The following SLCO1C1 variants were observed in gnomAD, a reference collection of about 807,000 sequenced individuals.
SLCO1C1 encodes the protein OAT-RP-5.
Under a neutral mutation model 76.4 loss-of-function variants are expected in SLCO1C1, and 70 were observed. The observed-to-expected ratio is 0.92, with a 90% CI of 0.76 to 1.12. SLCO1C1 has a LOEUF of 1.12. Among genes scored for constraint, SLCO1C1 ranks in the 50% most tolerant of loss-of-function variants. SLCO1C1 has a pLI of 0.00. For missense variants in SLCO1C1, 912 were observed against 823.8 expected (o/e 1.11, Z -1.31); for synonymous variants, 306 against 286.1 (o/e 1.07, Z -0.70).
rs765007556 is a variant in SLCO1C1 at position 20,701,363 on chromosome 12, G to A, written c.175G>A (p.Ala59Thr). The change falls in exon 3 of 15, where the codon GCA becomes ACA. Residue 59 changes from alanine (A) to threonine (T), a missense_variant. Coordinates refer to ENST00000266509, the MANE Select transcript of SLCO1C1 (RefSeq NM_017435.5). ...LSFVYFAKAL[A>T]EGYLKSTITQ... ...TTTTGTTTACTTTGCCAAAGCATTG[G>A]CAGAAGGCTATCTGAAGAGCACCAT... 1.3e-6 allele frequency: 2 copies of A among 1,543,626 alleles called. No individual in the cohort carries two copies. The highest frequency in any genetic ancestry group is 1.8e-6 in the Non-Finnish European group (2 of 1,130,430).
chr12:20,726,251 AT>A (rs35638975), intron 9 of SLCO1C1, among the ~76,000 whole-genome samples: 32,802 of 145,666 alleles, frequency 0.23, 3,706 homozygotes, highest in Middle Eastern at 0.34. Flanking sequence ...TCTTTTTCTT[AT>A]TTTTTTTTTT....
intron 9 of SLCO1C1, among the ~76,000 whole-genome samples, chr12:20,727,366 A>G (rs539650113): frequency 4.6e-5 from 7 of 152,130 alleles, no homozygotes; most frequent in South Asian, 2.1e-4. Context: ...AACATCTGTT[A>G]TTTTTTGACA....
At chr12:20,701,997 G>A (rs1006805380) in intron 3 of SLCO1C1, among the ~76,000 whole-genome samples, 4 of 151,876 alleles carry the variant, frequency 2.6e-5, no homozygotes, top group South Asian at 4.1e-4. Context: ...AATCTCAGGT[G>A]CCTTTGGTTA....
chr12:20,742,024 C>A (rs1380542360), intron 12 of SLCO1C1, among the ~76,000 whole-genome samples: 1 of 152,066 alleles, frequency 6.6e-6, no homozygotes, highest in Admixed American at 6.6e-5. Context: ...GAATGACAAA[C>A]AGAAAACAGA....
chr12:20,747,668 T>A (rs1224989552), intron 13 of SLCO1C1, among the ~76,000 whole-genome samples: 1 of 150,720 alleles, frequency 6.6e-6, no homozygotes, highest in Non-Finnish European at 1.5e-5. Flanking sequence ...ATCACCTGGA[T>A]TTTTTAAGTG....
intron 12 of SLCO1C1, among the ~76,000 whole-genome samples, chr12:20,742,018 GAC>G (rs1447807291): frequency 1.3e-5 from 2 of 152,142 alleles, no homozygotes. Flanking sequence ...GTTTAGGAAT[GAC>G]AAACAGAAAA....
chr12:20,707,549 G>A (rs922771247), intron 4 of SLCO1C1, among the ~76,000 whole-genome samples: 28 of 152,124 alleles, frequency 1.8e-4, no homozygotes, highest in African/African-American at 6.8e-4. Flanking sequence ...CTAGGTCTCA[G>A]TTTCTGCATC....
chr12:20,731,110 T>C (rs943503165), intron 9 of SLCO1C1, among the ~76,000 whole-genome samples: 2 of 152,200 alleles, frequency 1.3e-5, no homozygotes, highest in South Asian at 2.1e-4. Context: ...GCTATTTAGA[T>C]AAACTCCCCT....
chr12:20,735,525 T>C (rs1265692907), intron 10 of SLCO1C1, among the ~76,000 whole-genome samples: 1 of 152,238 alleles, frequency 6.6e-6, no homozygotes, highest in Non-Finnish European at 1.5e-5. Flanking sequence ...GGCAGTTTTA[T>C]ACTTTCAGAT....
chr12:20,707,966 T>C (rs1946866741), intron 4 of SLCO1C1, among the ~76,000 whole-genome samples: 1 of 152,184 alleles, frequency 6.6e-6, no homozygotes, highest in South Asian at 2.1e-4. Flanking sequence ...TTAATATATT[T>C]GCCAGGTACA....
At chr12:20,749,094 C>T (rs1949176621) in intron 13 of SLCO1C1, among the ~76,000 whole-genome samples, 1 of 151,976 alleles carries the variant, frequency 6.6e-6, no homozygotes, top group Admixed American at 6.6e-5. Flanking sequence ...TTTAGGTAAA[C>T]CTTTACATAG....
intron 9 of SLCO1C1, among the ~76,000 whole-genome samples, chr12:20,726,134 G>A (rs1341786522): frequency 6.6e-6 from 1 of 152,038 alleles, no homozygotes; most frequent in South Asian, 2.1e-4. Flanking sequence ...TATATCACTA[G>A]GTTGAAATAA....
intron 13 of SLCO1C1, among the ~76,000 whole-genome samples, chr12:20,746,061 G>A (rs1487419585): frequency 6.6e-6 from 1 of 152,004 alleles, no homozygotes; most frequent in African/African-American, 2.4e-5. Context: ...CTGATTCAAG[G>A]CCTAGGGTAG....
intron 4 of SLCO1C1, among the ~76,000 whole-genome samples, chr12:20,710,005 G>A (rs11045399): frequency 0.57 from 84,367 of 148,654 alleles, 24,962 homozygotes; most frequent in East Asian, 0.81. Flanking sequence ...TATAAAACCT[G>A]TAACCCTCTT....
At position 20,721,944 on chromosome 12, in the gene SLCO1C1, G is replaced by C; in HGVS notation, c.916G>C (p.Glu306Gln). 2.5e-6 allele frequency: 4 copies of C among 1,614,140 alleles called. No homozygotes were observed. The highest frequency in any genetic ancestry group is 3.4e-6 in the Non-Finnish European group (4 of 1,180,026). The change falls in exon 8 of 15, where the codon GAG (glutamate) becomes CAG (glutamine). Residue 306 changes from glutamate to glutamine, a missense_variant. Glu to Gln is a conservative substitution (Grantham distance 29). Transcript: ENST00000266509. ...GAGTTTACCAAGATCCCAAAGTAGA[G>C]AGGATTCTAATTCTTCCTCTGAGAA... ...PKSLPRSQSREDSNSSSEKSK... is the reference protein window; with the variant it reads ...PKSLPRSQSRQDSNSSSEKSK...
At chr12:20,752,186 T>C (rs1427905444) in intron 14 of SLCO1C1, 120 bp from the exon 15 acceptor site, 2 of 646,932 alleles carry the variant, frequency 3.1e-6, no homozygotes, top group Non-Finnish European at 5.0e-6. Flanking sequence ...AACAGTCTTT[T>C]ATATAAGCCA....
At chr12:20,740,787 T>TTTTATATATATATATATATA (rs1217819863) in intron 12 of SLCO1C1, among the ~76,000 whole-genome samples, 39 of 75,064 alleles carry the variant, frequency 5.2e-4, no homozygotes, top group African/African-American at 1.9e-3. Context: ...TTTATTTTAT[T>TTTTATATATATATATATATA]TATATATATA....
At chr12:20,708,448 A>T (rs1203638817) in intron 4 of SLCO1C1, among the ~76,000 whole-genome samples, 1 of 152,182 alleles carries the variant, frequency 6.6e-6, no homozygotes, top group African/African-American at 2.4e-5. Context: ...AATGGTAAGA[A>T]CTATAGAGAA....
intron 9 of SLCO1C1, among the ~76,000 whole-genome samples, chr12:20,724,451 A>ATATATATATATG (rs1555129500): frequency 1.3e-5 from 1 of 75,396 alleles, no homozygotes; most frequent in African/African-American, 5.3e-5. Flanking sequence ...ATATATATAT[A>ATATATATATATG]TGTGTGTGTG....
Sources: allele counts gnomAD v4.1 joint callset (sites outside exome capture counted in the v4.1 genomes callset), GRCh38; gene constraint gnomAD v4.1.1; transcripts MANE v1.5; gene names NCBI Gene and HGNC (gene_info 2026-07-23, HGNC 2026-07-21).